Variants in WWOX observed in about 807,000 individuals in gnomAD.
The protein encoded by WWOX is WW domain containing oxidoreductase.
WWOX carries 69 observed loss-of-function variants against 46.2 expected under a neutral mutation model. That is an observed-to-expected ratio of 1.49 (90% CI 1.23 to 1.82). The LOEUF is 1.82. Ranked by LOEUF, WWOX falls within the 40% of genes most tolerant of loss-of-function variation. WWOX has a pLI of 0.00. For synonymous variants in WWOX, 359 were observed against 202.6 expected, an observed-to-expected ratio of 1.77 and a Z score of -6.56; for missense variants, 919 against 542.6, an observed-to-expected ratio of 1.69 and a Z score of -6.89.
chr16:78,410,471 G>A (rs574842088), intron 6 of WWOX, among the ~76,000 whole-genome samples: 122 of 152,144 alleles, frequency 8.0e-4, no homozygotes, highest in Admixed American at 2.2e-3. Flanking sequence ...GGGACAGTTT[G>A]GCTGGTTGTT....
chr16:78,392,895 C>T (rs1419430850), intron 6 of WWOX, among the ~76,000 whole-genome samples: 5 of 152,098 alleles, frequency 3.3e-5, no homozygotes, highest in Non-Finnish European at 7.4e-5. Flanking sequence ...TGTTATTCTC[C>T]ACTAAGTTTT....
chr16:78,557,028 C>T (rs7203676), intron 8 of WWOX, among the ~76,000 whole-genome samples: 59,288 of 151,940 alleles, frequency 0.39, 14,404 homozygotes, highest in African/African-American at 0.7. Flanking sequence ...GGCAAACTTA[C>T]TTTAAAACAC....
chr16:78,450,773 A>G (rs2083672499), intron 8 of WWOX, among the ~76,000 whole-genome samples: 1 of 152,220 alleles, frequency 6.6e-6, no homozygotes, highest in African/African-American at 2.4e-5. Context: ...GCAAGTAATG[A>G]AATTACCATG....
intron 8 of WWOX, among the ~76,000 whole-genome samples, chr16:78,828,179 C>T (rs1006648478): frequency 8.5e-5 from 13 of 152,098 alleles, no homozygotes; most frequent in African/African-American, 2.9e-4. Context: ...ATCTGTACGC[C>T]CCACAGGAGT....
At position 78,584,735 on chromosome 16, in the gene WWOX, C is replaced by T. The variant is rs150168357; in HGVS notation, c.1056+151983C>T. ...AGTTAGCTTACCAGGGGGTGGTGAT[C>T]TTAAAGGGGCAGGAAGGAGCCTTGT... is the stretch of plus-strand genomic sequence containing the variant. On this transcript the variant is annotated intron_variant, in intron 8 of 8. Coordinates refer to ENST00000566780, the MANE Select transcript of WWOX (RefSeq NM_016373.4). Among the ~76,000 whole-genome samples the T allele has an allele frequency of 2.8e-3, 419 of 152,264 alleles. 8 individuals carry two copies. The highest frequency in any genetic ancestry group is 0.024 in the Admixed American group (372 of 15,288).
chr16:78,605,328 A>C (rs1313045464), intron 8 of WWOX, among the ~76,000 whole-genome samples: 1 of 151,488 alleles, frequency 6.6e-6, no homozygotes, highest in African/African-American at 2.4e-5. Context: ...GTCTTATATA[A>C]TCAATATTTA....
chr16:78,585,200 C>G (rs897731924), intron 8 of WWOX, among the ~76,000 whole-genome samples: 3 of 152,200 alleles, frequency 2.0e-5, no homozygotes, highest in Non-Finnish European at 4.4e-5. Flanking sequence ...CACAGGACAG[C>G]TTAAATGGTG....
At chr16:78,742,352 C>T (rs2049250054) in intron 8 of WWOX, among the ~76,000 whole-genome samples, 1 of 152,196 alleles carries the variant, frequency 6.6e-6, no homozygotes, top group Non-Finnish European at 1.5e-5. Context: ...AGCAGCAGGA[C>T]AGAGCCCCAC....
chr16:78,742,976 C>T (rs182569008), intron 8 of WWOX, among the ~76,000 whole-genome samples: 1 of 152,200 alleles, frequency 6.6e-6, no homozygotes, highest in East Asian at 1.9e-4. Context: ...TCGTTAATGT[C>T]TCCCAAGCAC....
chr16:78,957,232 G>A lies in WWOX; in HGVS notation c.1057-254376G>A, dbSNP rs760571881. 5.8e-4 allele frequency among the ~76,000 whole-genome samples: 89 copies of A among 152,264 alleles called. 1 individual carries two copies. Among genetic ancestry groups the A allele is most frequent in the Admixed American group, 4.4e-3 (67 of 15,302 alleles). On this transcript the variant is annotated intron_variant, in intron 8 of 8. Coordinates refer to ENST00000566780, the MANE Select transcript of WWOX (RefSeq NM_016373.4). ...GACTTTTCCAGCAAACCACACCGCC[G>A]TCCTTTTGTGTGACGAAATAATTAT...
intron 5 of WWOX, among the ~76,000 whole-genome samples, chr16:78,309,442 G>A (rs2080196309): frequency 6.6e-6 from 1 of 152,118 alleles, no homozygotes; most frequent in Admixed American, 6.6e-5. Flanking sequence ...ATGTGAGAAT[G>A]GGCTAATATA....
At chr16:78,874,320 A>G (rs1456568416) in intron 8 of WWOX, among the ~76,000 whole-genome samples, 1 of 151,814 alleles carries the variant, frequency 6.6e-6, no homozygotes. Flanking sequence ...GGGGAGTTGA[A>G]TAGAGAGCTG....
chr16:78,798,705 G>T (rs1360247639), intron 8 of WWOX, among the ~76,000 whole-genome samples: 2 of 151,380 alleles, frequency 1.3e-5, no homozygotes. Flanking sequence ...ATTAAAATAA[G>T]CTATGGGATG....
intron 8 of WWOX, among the ~76,000 whole-genome samples, chr16:78,979,093 T>C (rs1439614563): frequency 1.3e-5 from 2 of 151,292 alleles, no homozygotes; most frequent in African/African-American, 4.9e-5. Flanking sequence ...TCTTTTTTTT[T>C]TTTTTTCCCT....
chr16:78,894,947 A>G (rs1011448645), intron 8 of WWOX, among the ~76,000 whole-genome samples: 2 of 152,174 alleles, frequency 1.3e-5, no homozygotes, highest in Non-Finnish European at 2.9e-5. Context: ...GATAGTTCCA[A>G]TGGATCCACC....
chr16:78,753,852 ATATG>A lies in WWOX; in HGVS notation c.1056+321104_1056+321107del, dbSNP rs1341772758. Among the ~76,000 whole-genome samples the A allele has an allele frequency of 4.1e-3, 348 of 84,558 alleles. 2 individuals carry two copies. The highest frequency in any genetic ancestry group is 5.1e-3 in the Non-Finnish European group (238 of 46,830). 55.5% of individuals were successfully genotyped at this position (84,558 alleles called of 152,430 possible). On this transcript the variant is annotated intron_variant, in intron 8 of 8. Coordinates refer to ENST00000566780, the MANE Select transcript of WWOX (RefSeq NM_016373.4). ...TATATATATATATATATATATATATATATGTATATGTATATGTATATATAAATTT... is the reference window on the plus strand; with the variant it reads ...TATATATATATATATATATATATATATATATGTATATGTATATATAAATTT...
chr16:78,916,215 C>CG (rs1177140770), intron 8 of WWOX, among the ~76,000 whole-genome samples: 3 of 152,120 alleles, frequency 2.0e-5, no homozygotes, highest in Non-Finnish European at 4.4e-5. Flanking sequence ...AGGGAGGAAG[C>CG]GACATGTTAA....
intron 8 of WWOX, among the ~76,000 whole-genome samples, chr16:78,734,055 G>A (rs956722879): frequency 1.3e-5 from 2 of 150,614 alleles, no homozygotes; most frequent in Non-Finnish European, 2.9e-5. Flanking sequence ...GTAAGATCCT[G>A]TCTGGAAAAA....
At chr16:79,118,485 G>C (rs1056804076) in intron 8 of WWOX, among the ~76,000 whole-genome samples, 11 of 152,114 alleles carry the variant, frequency 7.2e-5, no homozygotes, top group Admixed American at 1.3e-4. Context: ...AAGTGAGCAG[G>C]TACCATTGGA....
Sources: gnomAD v4.1 joint callset for allele counts (sites outside exome capture counted in the v4.1 genomes callset) on GRCh38, gnomAD v4.1.1 for gene constraint, MANE v1.5 for transcripts, NCBI Gene and HGNC (gene_info 2026-07-23, HGNC 2026-07-21) for gene names.